Variants in NOCT observed in about 807,000 individuals in gnomAD.
NOCT encodes CCR4 carbon catabolite repression 4-like.
A neutral mutation model predicts 35.0 loss-of-function variants in NOCT; 18 were observed. The observed-to-expected ratio is 0.51, with a 90% CI of 0.36 to 0.76. The LOEUF (loss-of-function observed/expected upper bound fraction) is 0.76, where lower values mean the gene tolerates loss of function less well. NOCT is among the 30% of genes least tolerant of loss of function. NOCT has a pLI of 0.01. For synonymous variants in NOCT, 235 were observed against 226.3 expected (o/e 1.04, Z -0.34); for missense variants, 479 against 541.0 (o/e 0.89, Z 1.14).
At chr4:139,026,735 G>A (rs999168900) in intron 1 of NOCT, among the ~76,000 whole-genome samples, 3 of 151,510 alleles carry the variant, frequency 2.0e-5, no homozygotes, top group Non-Finnish European at 4.4e-5. Flanking sequence ...ATTTTTAGTA[G>A]AGATGGGGTT....
chr4:139,016,656 T>G (rs1464877551), intron 1 of NOCT, among the ~76,000 whole-genome samples: 1 of 125,548 alleles, frequency 8.0e-6, no homozygotes. Context: ...TTTTTTTTTT[T>G]TTTTTTTTTT....
intron 1 of NOCT, among the ~76,000 whole-genome samples, chr4:139,037,852 C>T (rs921873645): frequency 6.6e-6 from 1 of 151,720 alleles, no homozygotes; most frequent in East Asian, 1.9e-4. Context: ...CATACCACTG[C>T]ACTCCAGCCT....
At chr4:139,036,670 C>T (rs1726743650) in intron 1 of NOCT, among the ~76,000 whole-genome samples, 1 of 152,090 alleles carries the variant, frequency 6.6e-6, no homozygotes, top group African/African-American at 2.4e-5. Flanking sequence ...AAATACTTGC[C>T]AATTTTTTTA....
rs576137432 is a variant in NOCT, at chr4:139,017,848, A to G, written c.190+1677A>G. 1.5e-4 allele frequency among the ~76,000 whole-genome samples: 23 copies of G among 152,280 alleles called. No individual in the cohort carries two copies. The South Asian group carries it at 4.4e-3, about 29-fold the overall frequency. On this transcript the variant is annotated intron_variant, in intron 1 of 2. Coordinates refer to ENST00000280614, the MANE Select transcript of NOCT (RefSeq NM_012118.4). ...AAATGTATATATTTTAAAAATGGTC[A>G]TCTGGAATGTGATTGAAGCCAAGAC...
intron 1 of NOCT, among the ~76,000 whole-genome samples, chr4:139,042,099 G>A (rs1018233356): frequency 1.2e-4 from 12 of 103,576 alleles, no homozygotes; most frequent in Non-Finnish European, 1.6e-4. Context: ...TTTGAGTCTC[G>A]CTGTGTCACC....
At chr4:139,019,861 CCCT>C (rs1726377414) in intron 1 of NOCT, among the ~76,000 whole-genome samples, 1 of 152,190 alleles carries the variant, frequency 6.6e-6, no homozygotes, top group African/African-American at 2.4e-5. Flanking sequence ...TCCTCCACAT[CCCT>C]CCTCCTCAGA....
chr4:139,037,868 C>T lies in NOCT; in HGVS notation c.191-5206C>T, dbSNP rs557077992. ...ATACCACTGCACTCCAGCCTGGTAACAGAGTGAGGCCCTTACAAAAAACAG... is the reference window on the plus strand; with the variant it reads ...ATACCACTGCACTCCAGCCTGGTAATAGAGTGAGGCCCTTACAAAAAACAG... On this transcript the variant is annotated intron_variant, in intron 1 of 2. Transcript: ENST00000280614. 4.7e-5 allele frequency among the ~76,000 whole-genome samples: 7 copies of T among 149,036 alleles called. No homozygotes were observed. In the East Asian group the frequency reaches 9.8e-4, roughly 21 times the overall value.
At chr4:139,027,936 A>G (rs1025784692) in intron 1 of NOCT, among the ~76,000 whole-genome samples, 4 of 152,170 alleles carry the variant, frequency 2.6e-5, no homozygotes, top group African/African-American at 7.2e-5. Flanking sequence ...CAAAGACAGG[A>G]TGCTGCCAGA....
At chr4:139,025,558 C>T (rs1726497444) in intron 1 of NOCT, among the ~76,000 whole-genome samples, 3 of 152,142 alleles carry the variant, frequency 2.0e-5, no homozygotes, top group Admixed American at 6.5e-5. Context: ...CGCCTGTAAT[C>T]CCAGCACTTT....
intron 1 of NOCT, among the ~76,000 whole-genome samples, chr4:139,039,917 G>A (rs1726805221): frequency 6.6e-6 from 1 of 151,720 alleles, no homozygotes; most frequent in Admixed American, 6.6e-5. Context: ...TAGTAGAGAC[G>A]GGGCTTTGCT....
chr4:139,040,667 T>C (rs1268216078), intron 1 of NOCT, among the ~76,000 whole-genome samples: 1 of 152,194 alleles, frequency 6.6e-6, no homozygotes, highest in Admixed American at 6.5e-5. Context: ...GCAGTCCTAT[T>C]GAAACTGAGC....
intron 1 of NOCT, among the ~76,000 whole-genome samples, chr4:139,038,278 T>C (rs187810903): frequency 2.0e-5 from 3 of 152,188 alleles, no homozygotes; most frequent in East Asian, 3.9e-4. Flanking sequence ...TAAATAGTCA[T>C]AGAACTGGGA....
chr4:139,015,798 C>T lies in NOCT; in HGVS notation c.-184C>T, dbSNP rs1041957920. On this transcript the variant is annotated 5_prime_UTR_variant, in exon 1 of 3. Transcript: ENST00000280614. ...CTCACAGCAGACGGTGCCGACGCAGCGGTGTTGCACCTCCCTCTCCGGCTC... is the reference window on the plus strand; with the variant it reads ...CTCACAGCAGACGGTGCCGACGCAGTGGTGTTGCACCTCCCTCTCCGGCTC... 4.8e-5 allele frequency: 19 copies of T among 395,100 alleles called. No homozygotes were observed. Among genetic ancestry groups the T allele is most frequent in the South Asian group, 1.2e-4 (1 of 8,216 alleles). The allele number at this position is 395,100 out of a possible 1,614,324, so 24.5% of individuals were successfully genotyped here. A position where few individuals can be genotyped will look rare whatever the true frequency, so the allele number is the denominator to read the frequency against.
chr4:139,042,637 CG>C (rs937969249), intron 1 of NOCT, among the ~76,000 whole-genome samples: 2 of 151,572 alleles, frequency 1.3e-5, no homozygotes, highest in African/African-American at 4.8e-5. Context: ...CTTTATACGC[CG>C]GGCGTGGTGG....
In NOCT at chr4:139,016,970, A is replaced by ATTTTT. The variant is rs56237553; in HGVS notation, c.190+807_190+811dup. Among the ~76,000 whole-genome samples the ATTTTT allele has an allele frequency of 5.8e-3, 754 of 131,026 alleles. 29 individuals are homozygous for ATTTTT. The highest frequency in any genetic ancestry group is 7.3e-3 in the Non-Finnish European group (466 of 63,850). The allele number at this position is 131,026 out of a possible 152,430, so 86.0% of individuals were successfully genotyped here. A position where few individuals can be genotyped will look rare whatever the true frequency, so the allele number is the denominator to read the frequency against. On this transcript the variant is annotated intron_variant, in intron 1 of 2. Transcript: ENST00000280614. ...GCTCGGCCATTTTACGTTTCTTTGGATTTTTTTTTTTTGGAGGCTTCCACT... is the reference window on the plus strand; with the variant it reads ...GCTCGGCCATTTTACGTTTCTTTGGATTTTTTTTTTTTTTTTTGGAGGCTTCCACT...
At chr4:139,029,487 G>C (rs867312593) in intron 1 of NOCT, among the ~76,000 whole-genome samples, 12 of 152,194 alleles carry the variant, frequency 7.9e-5, no homozygotes, top group Non-Finnish European at 1.8e-4. Context: ...CTCAGTACTC[G>C]AGGCAGGCCT....
chr4:139,030,297 A>C (rs974858859), intron 1 of NOCT, among the ~76,000 whole-genome samples: 1 of 152,214 alleles, frequency 6.6e-6, no homozygotes, highest in African/African-American at 2.4e-5. Context: ...TGGTTACAGC[A>C]AGTAAAAATG....
chr4:139,042,162 G>A (rs1405504881), intron 1 of NOCT, among the ~76,000 whole-genome samples: 1 of 138,792 alleles, frequency 7.2e-6, no homozygotes, highest in Non-Finnish European at 1.5e-5. Flanking sequence ...CCATCTCCCT[G>A]GTTCAAGCAA....
chr4:139,019,683 G>T (rs1241571579), intron 1 of NOCT, among the ~76,000 whole-genome samples: 1 of 152,018 alleles, frequency 6.6e-6, no homozygotes, highest in African/African-American at 2.4e-5. Context: ...AGTCCCTTTG[G>T]AGTTATCAGA....
Sources: gnomAD v4.1 joint callset for allele counts (sites outside exome capture counted in the v4.1 genomes callset) on GRCh38, gnomAD v4.1.1 for gene constraint, MANE v1.5 for transcripts, NCBI Gene and HGNC (gene_info 2026-07-23, HGNC 2026-07-21) for gene names.